The following CD34 variants were observed in gnomAD, a reference collection of about 807,000 sequenced individuals.
CD34 encodes hematopoietic progenitor cell antigen CD34.
Under a neutral mutation model 40.1 loss-of-function variants are expected in CD34, and 34 were observed. The ratio of observed to expected loss-of-function variants is 0.85; its 90% CI spans 0.65 to 1.13. The LOEUF is 1.13. CD34 is among the 50% of genes most tolerant of loss of function. CD34 has a pLI of 0.00. For synonymous variants in CD34, 209 were observed against 190.0 expected (o/e 1.10, Z -0.82); for missense variants, 426 against 466.9 (o/e 0.91, Z 0.81).
chr1:207,909,747 T>C (rs948971217), intron 1 of CD34, among the ~76,000 whole-genome samples: 2 of 152,162 alleles, frequency 1.3e-5, no homozygotes, highest in Non-Finnish European at 1.5e-5. Context: ...GCACCCACTC[T>C]AGAATTTTGA....
At chr1:207,909,195 C>T (rs2102308529) in intron 1 of CD34, among the ~76,000 whole-genome samples, 1 of 152,274 alleles carries the variant, frequency 6.6e-6, no homozygotes, top group South Asian at 2.1e-4. Context: ...CATATCAGTC[C>T]AAAGTTTTGC....
chr1:207,908,773 C>A (rs1477856404), intron 1 of CD34, among the ~76,000 whole-genome samples: 1 of 152,288 alleles, frequency 6.6e-6, no homozygotes, highest in East Asian at 1.9e-4. Context: ...GTGATCTCCC[C>A]CACTTCCAAC....
At chr1:207,910,022 T>A (rs775640417) in intron 1 of CD34, among the ~76,000 whole-genome samples, 1 of 152,244 alleles carries the variant, frequency 6.6e-6, no homozygotes, top group Non-Finnish European at 1.5e-5. Flanking sequence ...GAGAGCAATG[T>A]ACAAAGTTTC....
At chr1:207,900,046 A>C in intron 1 of CD34, 43 bp from the exon 2 acceptor site, 6 of 1,476,666 alleles carry the variant, frequency 4.1e-6, no homozygotes, top group South Asian at 1.3e-5. Context: ...TAAAGATATC[A>C]GCCTGGTGAT....
chr1:207,903,847 T>G (rs1372404304), intron 1 of CD34, among the ~76,000 whole-genome samples: 1 of 152,212 alleles, frequency 6.6e-6, no homozygotes, highest in Non-Finnish European at 1.5e-5. Context: ...GACATAAGTA[T>G]GAAAACTCAC....
Position 207,888,892 on chromosome 1 carries a change from TGGAGCCCAGCCCGC to T in CD34, c.808-60_808-47del, listed in dbSNP as rs756423220. Reference sequence around the variant, plus strand: ...GATACAGCCTGTCACTTGCCAAAAGTGGAGCCCAGCCCGCTCCAGCCCTCTGTGTGTGACTCAAC... The same window carrying T: ...GATACAGCCTGTCACTTGCCAAAAGTTCCAGCCCTCTGTGTGTGACTCAAC... On this transcript the variant is annotated intron_variant, in intron 6 of 7. Transcript: ENST00000310833. 3.8e-6 allele frequency: 6 copies of T among 1,597,782 alleles called. No homozygotes were observed. The African/African-American group carries it at 8.0e-5, about 21-fold the overall frequency.
intron 7 of CD34, 114 bp from the exon 8 acceptor site, chr1:207,888,037 A>AGGGGGGGGGGGGT: frequency 1.6e-6 from 1 of 634,776 alleles, no homozygotes; most frequent in Non-Finnish European, 2.5e-6. Flanking sequence ...GGGGAGGGGG[A>AGGGGGGGGGGGGT]GGTGGGAGGA....
intron 1 of CD34, among the ~76,000 whole-genome samples, chr1:207,904,404 C>G (rs1249601749): frequency 6.6e-6 from 1 of 152,208 alleles, no homozygotes; most frequent in Non-Finnish European, 1.5e-5. Flanking sequence ...GACTGTATCA[C>G]CAGGAAGGCG....
At chr1:207,897,782 A>G (rs1308473206) in intron 3 of CD34, among the ~76,000 whole-genome samples, 3 of 152,216 alleles carry the variant, frequency 2.0e-5, no homozygotes, top group Non-Finnish European at 4.4e-5. Context: ...ATCAGATGAC[A>G]AAACTTTTGT....
chr1:207,905,724 T>C (rs1662362831), intron 1 of CD34, among the ~76,000 whole-genome samples: 2 of 152,210 alleles, frequency 1.3e-5, no homozygotes, highest in South Asian at 4.1e-4. Flanking sequence ...AGTGGAAGAT[T>C]CCACACCTGA....
intron 4 of CD34, chr1:207,889,910 A>T: frequency 1.3e-6 from 2 of 1,505,716 alleles, no homozygotes; most frequent in Middle Eastern, 2.4e-4. Flanking sequence ...CCATGTACAC[A>T]TATGCAAATT....
chr1:207,903,177 C>T (rs187911655), intron 1 of CD34, among the ~76,000 whole-genome samples: 1 of 152,324 alleles, frequency 6.6e-6, no homozygotes, highest in Admixed American at 6.5e-5. Context: ...TTCACAGTCT[C>T]TAGAGCCCTG....
chr1:207,908,582 G>A (rs761522122), intron 1 of CD34, among the ~76,000 whole-genome samples: 7 of 152,242 alleles, frequency 4.6e-5, no homozygotes, highest in Non-Finnish European at 8.8e-5. Flanking sequence ...GGAATGTGAC[G>A]GGGAGGGCCT....
intron 1 of CD34, among the ~76,000 whole-genome samples, chr1:207,909,598 G>A (rs1007936448): frequency 1.3e-5 from 2 of 151,970 alleles, no homozygotes; most frequent in African/African-American, 4.8e-5. Context: ...TAGTAGAGAT[G>A]GGGTTTCACC....
At position 207,908,118 on chromosome 1, in the gene CD34, T is replaced by C. The variant is rs535796797; in HGVS notation, c.79+2884A>G. Among the ~76,000 whole-genome samples, 17 of 152,262 alleles carry C rather than the reference T, an allele frequency of 1.1e-4. No individual in the cohort carries two copies. The East Asian group carries it at 3.3e-3, about 29-fold the overall frequency. ...GGAATTTGTTCCTCATTTTCATTTG[T>C]TTTCGTAGGACTCTGCAGCTGAGTT... is the stretch of plus-strand genomic sequence containing the variant. On this transcript the variant is annotated intron_variant, in intron 1 of 7. Coordinates refer to ENST00000310833, the MANE Select transcript of CD34 (RefSeq NM_001025109.2).
intron 3 of CD34, among the ~76,000 whole-genome samples, chr1:207,898,031 T>TTTTATTTA (rs60024563): frequency 0.17 from 23,951 of 143,238 alleles, 2,756 homozygotes; most frequent in African/African-American, 0.32. Context: ...ATTTTGGCTC[T>TTTTATTTA]TTTATTTATT....
At chr1:207,893,588 A>T (rs1279835355) in intron 4 of CD34, among the ~76,000 whole-genome samples, 3 of 152,188 alleles carry the variant, frequency 2.0e-5, no homozygotes, top group Non-Finnish European at 4.4e-5. Context: ...TAAATCCTTC[A>T]TCTGTAACTT....
chr1:207,902,341 C>A (rs545252571), intron 1 of CD34, among the ~76,000 whole-genome samples: 1 of 152,306 alleles, frequency 6.6e-6, no homozygotes, highest in South Asian at 2.1e-4. Context: ...GCCAAAAAAT[C>A]GGAATTTATT....
rs1324704501 is a variant in CD34 at position 207,885,401 on chromosome 1, C to G, written c.*2337G>C. On this transcript the variant is annotated 3_prime_UTR_variant, in exon 8 of 8. Transcript: ENST00000310833. Reference sequence around the variant, plus strand: ...CGCAATACACACACAGCCCTTCCTCCCAAAGCATACATACACATTCCAGCA... The same window carrying G: ...CGCAATACACACACAGCCCTTCCTCGCAAAGCATACATACACATTCCAGCA... The G allele has an allele frequency of 6.6e-6, 1 of 152,414 alleles. No homozygotes were observed. The highest frequency in any genetic ancestry group is 1.9e-4 in the East Asian group (1 of 5,202). The allele number at this position is 152,414 out of a possible 1,614,324, so 9.4% of individuals were successfully genotyped here.
Sources: allele counts gnomAD v4.1 joint callset (sites outside exome capture counted in the v4.1 genomes callset), GRCh38; gene constraint gnomAD v4.1.1; transcripts MANE v1.5; gene names NCBI Gene and HGNC (gene_info 2026-07-23, HGNC 2026-07-21).